Variants in MYO3B observed in about 807,000 individuals in gnomAD.
The protein encoded by MYO3B is myosin-IIIb.
MYO3B carries 156 observed loss-of-function variants against 174.6 expected under a neutral mutation model. The ratio of observed to expected loss-of-function variants is 0.89; its 90% confidence interval spans 0.78 to 1.02. The LOEUF (loss-of-function observed/expected upper bound fraction) is 1.02, where lower values mean the gene tolerates loss of function less well. MYO3B is among the 50% of genes least tolerant of loss of function. The pLI is 0.00. For synonymous variants in MYO3B, 563 were observed against 569.1 expected, an observed-to-expected ratio of 0.99 and a Z score of 0.15; for missense variants, 1,632 against 1,639.4, an observed-to-expected ratio of 1.00 and a Z score of 0.08.
At chr2:170,500,908 G>T (rs1687223558) in intron 27 of MYO3B, among the ~76,000 whole-genome samples, 1 of 89,596 alleles carries the variant, frequency 1.1e-5, no homozygotes. Context: ...TGTTATTAGT[G>T]TTACACACAA....
chr2:170,411,411 G>A (rs562769332), intron 22 of MYO3B, among the ~76,000 whole-genome samples: 1 of 152,306 alleles, frequency 6.6e-6, no homozygotes, highest in South Asian at 2.1e-4. Context: ...AACCTGTACA[G>A]TATGTTACTA....
chr2:170,430,852 G>A (rs544713205), intron 22 of MYO3B, among the ~76,000 whole-genome samples: 1 of 152,316 alleles, frequency 6.6e-6, no homozygotes, highest in African/African-American at 2.4e-5. Flanking sequence ...AAGTTCAAGG[G>A]TGGGACAATG....
At chr2:170,466,774 G>A in intron 25 of MYO3B, 63 bp downstream of exon 25, 1 of 888,896 alleles carries the variant, frequency 1.1e-6, no homozygotes, top group Non-Finnish European at 1.7e-6. Context: ...CCATCCCTGT[G>A]TCCTAAGATT....
chr2:170,440,918 C>T (rs2094795863), intron 22 of MYO3B, among the ~76,000 whole-genome samples: 2 of 148,272 alleles, frequency 1.3e-5, no homozygotes, highest in Non-Finnish European at 1.5e-5. Flanking sequence ...TCTCCTGCCT[C>T]AGCCTCCAGA....
chr2:170,351,104 A>G (rs2094064105), intron 8 of MYO3B: 1 of 152,166 alleles, frequency 6.6e-6, no homozygotes, highest in Non-Finnish European at 1.5e-5. Flanking sequence ...AGTTATATTC[A>G]GAATGTTCAT....
At chr2:170,581,266 T>C (rs72881884) in intron 32 of MYO3B, among the ~76,000 whole-genome samples, 281 of 152,358 alleles carry the variant, frequency 1.8e-3, no homozygotes, top group Non-Finnish European at 3.2e-3. Context: ...TGATTAATAA[T>C]AAAGATAGTC....
intron 1 of MYO3B, among the ~76,000 whole-genome samples, chr2:170,179,253 C>A (rs1041530143): frequency 5.3e-5 from 8 of 152,100 alleles, no homozygotes; most frequent in African/African-American, 1.9e-4. Flanking sequence ...ATCAGTGGAA[C>A]CATAAAGGTC....
At chr2:170,372,887 G>A (rs2094259279) in intron 9 of MYO3B, among the ~76,000 whole-genome samples, 1 of 152,130 alleles carries the variant, frequency 6.6e-6, no homozygotes, top group Admixed American at 6.5e-5. Flanking sequence ...AAGGCACAAG[G>A]GCTAGAGAGA....
intron 32 of MYO3B, chr2:170,602,020 C>T (rs757171336): frequency 4.5e-5 from 41 of 910,136 alleles, no homozygotes; most frequent in Middle Eastern, 3.2e-4. Context: ...TCTTTCATAA[C>T]GGTCTTTGTC....
chr2:170,230,883 C>T (rs1228103107), intron 6 of MYO3B, among the ~76,000 whole-genome samples: 1 of 152,044 alleles, frequency 6.6e-6, no homozygotes, highest in Non-Finnish European at 1.5e-5. Context: ...AGAAGAGGTA[C>T]AGGGAGATAA....
At chr2:170,291,721 T>TTTTA (rs1553584943) in intron 7 of MYO3B, among the ~76,000 whole-genome samples, 3 of 151,896 alleles carry the variant, frequency 2.0e-5, no homozygotes, top group East Asian at 3.9e-4. Context: ...AGGTTTTTTT[T>TTTTA]ATTTTCTTAA....
At chr2:170,325,763 G>C (rs1160735876) in intron 7 of MYO3B, among the ~76,000 whole-genome samples, 3 of 152,140 alleles carry the variant, frequency 2.0e-5, no homozygotes, top group Non-Finnish European at 4.4e-5. Flanking sequence ...TGAGGTACCT[G>C]TGGTGGTCCA....
chr2:170,568,313 A>G (rs1031897679), intron 32 of MYO3B, among the ~76,000 whole-genome samples: 2 of 152,244 alleles, frequency 1.3e-5, no homozygotes, highest in Non-Finnish European at 2.9e-5. Flanking sequence ...ACAGGGGCAG[A>G]GTATGGAAGA....
chr2:170,289,501 G>A (rs895123856), intron 7 of MYO3B, among the ~76,000 whole-genome samples: 3 of 151,928 alleles, frequency 2.0e-5, no homozygotes, highest in Non-Finnish European at 2.9e-5. Context: ...TTGGCATTTA[G>A]TTGTTCATAA....
intron 7 of MYO3B, among the ~76,000 whole-genome samples, chr2:170,279,644 G>A (rs1449705754): frequency 1.3e-5 from 2 of 152,000 alleles, no homozygotes. Context: ...AGGCCTCAGT[G>A]TCTGTTGTTT....
chr2:170,576,258 C>T (rs1048284321), intron 32 of MYO3B, among the ~76,000 whole-genome samples: 33 of 152,274 alleles, frequency 2.2e-4, no homozygotes, highest in African/African-American at 7.7e-4. Context: ...TGAGGGGCCT[C>T]ATATAGTTGA....
At chr2:170,401,297 G>A (rs2094474418) in intron 17 of MYO3B, among the ~76,000 whole-genome samples, 184 bp from the exon 18 acceptor site, 1 of 152,048 alleles carries the variant, frequency 6.6e-6, no homozygotes, top group East Asian at 1.9e-4. Context: ...AGAGCTTTCA[G>A]AACAGTTTGG....
At chr2:170,346,522 A>G (rs1417631167) in intron 8 of MYO3B, 3 of 152,184 alleles carry the variant, frequency 2.0e-5, no homozygotes, top group African/African-American at 7.2e-5. Flanking sequence ...AAGTATTAAT[A>G]TGAAACCATA....
In MYO3B at chr2:170,444,009, G is replaced by T; in HGVS notation, c.2693G>T (p.Ser898Ile). 3 of 1,613,300 alleles carry T rather than the reference G, an allele frequency of 1.9e-6. No individual in the cohort carries two copies. Among genetic ancestry groups the T allele is most frequent in the Non-Finnish European group, 2.5e-6 (3 of 1,179,424 alleles). ...QTRARITVAS[S>I]SLPPHFSAGK... Reference sequence around the variant, plus strand: ...AGAGCTAGGATAACAGTGGCCTCAAGTTCTTTGCCTCCACATTTCAGTGCT... The same window carrying T: ...AGAGCTAGGATAACAGTGGCCTCAATTTCTTTGCCTCCACATTTCAGTGCT... Residue 898 changes from serine (S) to isoleucine (I), a missense_variant, in exon 23 of 35, where the codon AGT (serine) becomes ATT (isoleucine). Physicochemically the swap from Ser to Ile is moderately radical, Grantham distance 142 (BLOSUM62 -2). Coordinates refer to ENST00000408978, the MANE Select transcript of MYO3B (RefSeq NM_138995.5).
Sources: allele counts gnomAD v4.1 joint callset (sites outside exome capture counted in the v4.1 genomes callset), GRCh38; gene constraint gnomAD v4.1.1; transcripts MANE v1.5; gene names NCBI Gene and HGNC (gene_info 2026-07-23, HGNC 2026-07-21).